ANKRD36B: variants seen among roughly 807,000 people sequenced by gnomAD.
The protein encoded by ANKRD36B is ankyrin repeat domain-containing protein 36B.
A neutral mutation model predicts 135.7 loss-of-function variants in ANKRD36B; 37 were observed. That is an observed-to-expected ratio of 0.27 (90% CI 0.21 to 0.36). ANKRD36B has a LOEUF of 0.36. ANKRD36B is among the 10% of genes least tolerant of loss of function. ANKRD36B has a pLI of 1.00. For synonymous variants in ANKRD36B, 179 were observed against 348.1 expected (o/e 0.51, Z 5.41); for missense variants, 549 against 1,037.1 (o/e 0.53, Z 6.46).
intron 3 of ANKRD36B, among the ~76,000 whole-genome samples, chr2:97,581,603 G>T (rs978965019): frequency 1.3e-5 from 2 of 151,586 alleles, no homozygotes; most frequent in African/African-American, 4.9e-5. Flanking sequence ...TATAATCTTA[G>T]GACCCTGGTA....
chr2:97,546,059 C>G (rs953509328), intron 22 of ANKRD36B, among the ~76,000 whole-genome samples, 198 bp from the exon 23 acceptor site: 1 of 151,598 alleles, frequency 6.6e-6, no homozygotes, highest in Non-Finnish European at 1.5e-5. Context: ...TGAAATATAT[C>G]CTTACAATTT....
intron 11 of ANKRD36B, 22 bp downstream of exon 11, chr2:97,557,082 A>G (rs1158250527): frequency 6.5e-7 from 1 of 1,544,904 alleles, no homozygotes; most frequent in African/African-American, 1.4e-5. Flanking sequence ...ATAATTCAAA[A>G]TATAAATGAA....
intron 14 of ANKRD36B, among the ~76,000 whole-genome samples, chr2:97,553,659 T>A (rs12712056): frequency 6.6e-6 from 1 of 151,324 alleles, no homozygotes; most frequent in East Asian, 2.0e-4. Context: ...CAAGTGATCA[T>A]GACAAATGCG....
intron 6 of ANKRD36B, among the ~76,000 whole-genome samples, chr2:97,569,744 A>G (rs1021012089): frequency 6.6e-6 from 1 of 152,190 alleles, no homozygotes; most frequent in Non-Finnish European, 1.5e-5. Context: ...ATTTTTTAAA[A>G]AGATTTTCAC....
intron 12 of ANKRD36B, among the ~76,000 whole-genome samples, chr2:97,556,450 T>C (rs2080529688): frequency 6.6e-6 from 1 of 151,860 alleles, no homozygotes; most frequent in South Asian, 2.1e-4. Context: ...AACTTCTTCC[T>C]TCCCCTCTTT....
At chr2:97,496,599 A>G (rs1416023117) in intron 43 of ANKRD36B, among the ~76,000 whole-genome samples, 1 of 53,618 alleles carries the variant, frequency 1.9e-5, no homozygotes, top group Non-Finnish European at 5.1e-5. Context: ...GGTTACATTA[A>G]AACATTAAAG....
In ANKRD36B at chr2:97,533,212, C is replaced by T. The variant is rs1288367630; in HGVS notation, c.2192-828G>A. On this transcript the variant is annotated intron_variant, in intron 34 of 43. Coordinates refer to ENST00000359901, the MANE Select transcript of ANKRD36B (RefSeq NM_001393939.1). Reference sequence around the variant, plus strand: ...AGCTATGTGAAGTCTTCCTTGATTCCGGCTATCTTTCCTCAGATAAATGAT... The same window carrying T: ...AGCTATGTGAAGTCTTCCTTGATTCTGGCTATCTTTCCTCAGATAAATGAT... Among the ~76,000 whole-genome samples the T allele has an allele frequency of 2.2e-4, 21 of 96,928 alleles. 6 individuals are homozygous for T. Among genetic ancestry groups the T allele is most frequent in the East Asian group, 4.6e-4 (2 of 4,370 alleles). 63.6% of individuals were successfully genotyped at this position (96,928 alleles called of 152,430 possible). A position where few individuals can be genotyped will look rare whatever the true frequency, so the allele number is the denominator to read the frequency against.
At chr2:97,528,906 T>C (rs2078391783) in intron 35 of ANKRD36B, among the ~76,000 whole-genome samples, 1 of 96,274 alleles carries the variant, frequency 1.0e-5, no homozygotes, top group Admixed American at 9.2e-5. Flanking sequence ...ATTGTGGCAA[T>C]AATCAATAGC....
In ANKRD36B at chr2:97,572,281, C is replaced by CA. The variant is rs34027238; in HGVS notation, c.763+4097dup. Reference sequence around the variant, plus strand: ...TGGGAAACAGCAAAAGACTCAATCTCAAAAAAAAAAAAAAATCAAGAAACT... The same window carrying CA: ...TGGGAAACAGCAAAAGACTCAATCTCAAAAAAAAAAAAAAAATCAAGAAACT... On this transcript the variant is annotated intron_variant, in intron 6 of 43. Coordinates refer to ENST00000359901, the MANE Select transcript of ANKRD36B (RefSeq NM_001393939.1). Among the ~76,000 whole-genome samples, 123 of 127,676 alleles carry CA rather than the reference C, an allele frequency of 9.6e-4. No homozygotes were observed. The East Asian group carries it at 0.012, about 12-fold the overall frequency. The allele number at this position is 127,676 out of a possible 152,430, so 83.8% of individuals were successfully genotyped here.
intron 6 of ANKRD36B, among the ~76,000 whole-genome samples, chr2:97,572,957 C>T (rs1306642574): frequency 6.7e-6 from 1 of 149,960 alleles, no homozygotes; most frequent in Non-Finnish European, 1.5e-5. Flanking sequence ...TACATGTGCA[C>T]AAAGTGCAGG....
intron 6 of ANKRD36B, among the ~76,000 whole-genome samples, chr2:97,567,165 C>T (rs4069511): frequency 0.55 from 82,270 of 149,474 alleles, 24,084 homozygotes; most frequent in Non-Finnish European, 0.67. Context: ...GTGCAAGATA[C>T]GGGGGGAAAG....
At chr2:97,572,409 T>C (rs2081941621) in intron 6 of ANKRD36B, among the ~76,000 whole-genome samples, 1 of 121,898 alleles carries the variant, frequency 8.2e-6, no homozygotes, top group Non-Finnish European at 1.9e-5. Flanking sequence ...AAAAGTGTTT[T>C]ACATTAAAAC....
intron 8 of ANKRD36B, among the ~76,000 whole-genome samples, chr2:97,559,424 C>T (rs1410568766): frequency 1.3e-5 from 2 of 151,708 alleles, no homozygotes; most frequent in African/African-American, 4.8e-5. Flanking sequence ...TTTAACTTGC[C>T]CAATAACTAG....
At chr2:97,585,971 A>T (rs950454621) in intron 1 of ANKRD36B, among the ~76,000 whole-genome samples, 8 of 152,212 alleles carry the variant, frequency 5.3e-5, no homozygotes, top group East Asian at 3.8e-4. Context: ...GACATTGGAA[A>T]ACTGTTTACA....
chr2:97,524,434 A>G lies in ANKRD36B; in HGVS notation c.2266-967T>C, dbSNP rs1401573205. 2 of 96,166 alleles carry G rather than the reference A, an allele frequency of 2.1e-5. 1 individual carries two copies. Among genetic ancestry groups the G allele is most frequent in the East Asian group, 4.6e-4 (2 of 4,344 alleles). 6.0% of individuals were successfully genotyped at this position (96,166 alleles called of 1,614,324 possible). A position where few individuals can be genotyped will look rare whatever the true frequency, so the allele number is the denominator to read the frequency against. On this transcript the variant is annotated intron_variant, in intron 35 of 43. Transcript: ENST00000359901. ...CCTTGTCTGAGTTAAAAACATGTTC[A>G]GTATCTGGTTTGTTGTCATTTTCAC... is the stretch of plus-strand genomic sequence containing the variant.
intron 5 of ANKRD36B, 115 bp downstream of exon 5, chr2:97,578,791 C>G: frequency 7.5e-7 from 1 of 1,330,592 alleles, no homozygotes; most frequent in Non-Finnish European, 1.0e-6. Context: ...AAATTTGTCA[C>G]TTGAAAACTA....
Position 97,531,542 on chromosome 2 carries a change from A to T in ANKRD36B, c.2265+769T>A, listed in dbSNP as rs2078604725. 2.1e-5 allele frequency among the ~76,000 whole-genome samples: 2 copies of T among 94,078 alleles called. 1 individual carries two copies. The highest frequency in any genetic ancestry group is 4.8e-4 in the South Asian group (2 of 4,150). The allele number at this position is 94,078 out of a possible 152,430, so 61.7% of individuals were successfully genotyped here. A position where few individuals can be genotyped will look rare whatever the true frequency, so the allele number is the denominator to read the frequency against. Reference sequence around the variant, plus strand: ...TGCACATTGTGCACATGTTCCCTAAAATTTAAAGTACAATAATAATAAAAT... The same window carrying T: ...TGCACATTGTGCACATGTTCCCTAATATTTAAAGTACAATAATAATAAAAT... On this transcript the variant is annotated intron_variant, in intron 35 of 43. Coordinates refer to ENST00000359901, the MANE Select transcript of ANKRD36B (RefSeq NM_001393939.1).
chr2:97,538,125 T>C, intron 32 of ANKRD36B, 43 bp downstream of exon 32: 1 of 948,632 alleles, frequency 1.1e-6, no homozygotes, highest in South Asian at 1.3e-5. Context: ...CGTTGTCTTC[T>C]ATCTTGAGTG....
intron 34 of ANKRD36B, among the ~76,000 whole-genome samples, chr2:97,533,702 G>C (rs2078715027): frequency 1.1e-5 from 1 of 94,054 alleles, no homozygotes; most frequent in South Asian, 2.4e-4. Flanking sequence ...GTATCCTGCA[G>C]TTTGGCCCTG....
Sources: allele counts gnomAD v4.1 joint callset (sites outside exome capture counted in the v4.1 genomes callset), GRCh38; gene constraint gnomAD v4.1.1; transcripts MANE v1.5; gene names NCBI Gene and HGNC (gene_info 2026-07-23, HGNC 2026-07-21).